The following PRH1 variants were observed in gnomAD, a reference collection of about 807,000 sequenced individuals.
PRH1 encodes the protein salivary acidic proline-rich phosphoprotein 1/2.
A neutral mutation model predicts 7.9 loss-of-function variants in PRH1; 7 were observed. The observed-to-expected ratio is 0.89, with a 90% confidence interval of 0.50 to 1.67. The LOEUF (loss-of-function observed/expected upper bound fraction) is 1.67. Ranked by LOEUF, PRH1 falls within the 40% of genes most tolerant of loss-of-function variation. The pLI is 0.00. For synonymous variants in PRH1, 45 were observed against 80.8 expected (o/e 0.56, Z 2.38); for missense variants, 109 against 223.6 (o/e 0.49, Z 3.27).
intron 1 of PRH1, among the ~76,000 whole-genome samples, chr12:11,062,474 G>T (rs988179053): frequency 1.3e-5 from 2 of 152,024 alleles, no homozygotes; most frequent in Non-Finnish European, 2.9e-5. Flanking sequence ...ATGCTAATGG[G>T]TAAGTTCAAC....
intron 1 of PRH1, among the ~76,000 whole-genome samples, chr12:11,071,550 G>T (rs1451218597): frequency 6.6e-6 from 1 of 152,180 alleles, no homozygotes; most frequent in South Asian, 2.1e-4. Context: ...TAGTCCTAAA[G>T]CTAACCTTTC....
At chr12:11,168,562 C>T (rs1156550557) in intron 1 of PRH1, among the ~76,000 whole-genome samples, 2 of 152,050 alleles carry the variant, frequency 1.3e-5, no homozygotes, top group South Asian at 4.1e-4. Context: ...GGTTTCCCAT[C>T]ATATCAAGAA....
At chr12:11,136,120 T>C (rs1001066686) in intron 1 of PRH1, among the ~76,000 whole-genome samples, 5 of 152,198 alleles carry the variant, frequency 3.3e-5, no homozygotes, top group African/African-American at 1.2e-4. Context: ...ATAAGCAATA[T>C]CCATAATTTA....
At chr12:11,046,176 T>C (rs1460105281) in intron 1 of PRH1, among the ~76,000 whole-genome samples, 1 of 152,164 alleles carries the variant, frequency 6.6e-6, no homozygotes, top group Non-Finnish European at 1.5e-5. Flanking sequence ...GAAACCAGAA[T>C]GGACAAGGAA....
intron 1 of PRH1, among the ~76,000 whole-genome samples, chr12:11,037,206 A>G (rs1327991129): frequency 6.6e-6 from 1 of 152,206 alleles, no homozygotes; most frequent in Non-Finnish European, 1.5e-5. Context: ...TATCAACTTT[A>G]GTTTATCTTT....
chr12:11,046,526 G>A (rs78037682), intron 1 of PRH1, among the ~76,000 whole-genome samples: 1 of 152,112 alleles, frequency 6.6e-6, no homozygotes, highest in African/African-American at 2.4e-5. Context: ...TTCTTCTGAC[G>A]TTTTAGTCCT....
At chr12:11,128,348 A>G (rs1052201519) in intron 1 of PRH1, among the ~76,000 whole-genome samples, 1 of 138,010 alleles carries the variant, frequency 7.2e-6, no homozygotes, top group Non-Finnish European at 1.6e-5. Context: ...ACTGTTTCTA[A>G]GAGGGGATCT....
In PRH1 at chr12:11,132,801, A is replaced by G. The variant is rs376619638; in HGVS notation, n.40-11621T>C. On this transcript the variant is annotated intron_variant and non_coding_transcript_variant, in intron 1 of 1. Coordinates refer to the PRH1 transcript ENST00000541175. ...TTCATAATGGAATAAAACCCTGAAG[A>G]TACATCCTCATTAGTGATTAAGAAT... Among the ~76,000 whole-genome samples, 32 of 152,340 alleles carry G rather than the reference A, an allele frequency of 2.1e-4. No homozygotes were observed. In the South Asian group the frequency reaches 6.2e-3, roughly 30 times the overall value.
chr12:11,032,931 A>G (rs985831066), intron 1 of PRH1, among the ~76,000 whole-genome samples: 6 of 152,276 alleles, frequency 3.9e-5, no homozygotes, highest in African/African-American at 1.4e-4. Context: ...TCCATTTACC[A>G]TAAGAGTATG....
rs1430575292 is a variant in PRH1 at position 11,075,365 on chromosome 12, T to G, written n.124-28177A>C. 3.4e-5 allele frequency among the ~76,000 whole-genome samples: 4 copies of G among 117,486 alleles called. 1 individual carries two copies. The highest frequency in any genetic ancestry group is 1.1e-4 in the African/African-American group (4 of 34,786). 77.1% of individuals were successfully genotyped at this position (117,486 alleles called of 152,430 possible). On this transcript the variant is annotated intron_variant and non_coding_transcript_variant, in intron 1 of 4. Transcript: ENST00000541977. ...GTACATTTACAAACAGCTTAACCAGTTGCAAAGTTTGCTAGCTTTTTTTTT... is the reference window on the plus strand; with the variant it reads ...GTACATTTACAAACAGCTTAACCAGGTGCAAAGTTTGCTAGCTTTTTTTTT...
intron 1 of PRH1, chr12:11,005,991 T>C (rs1940812129): frequency 6.6e-6 from 1 of 152,144 alleles, no homozygotes; most frequent in Non-Finnish European, 1.5e-5. Context: ...TTGATTATGC[T>C]ATTAAGAAGA....
At chr12:10,894,102 G>A (rs1223817980) in intron 2 of PRH1, among the ~76,000 whole-genome samples, 2 of 151,694 alleles carry the variant, frequency 1.3e-5, no homozygotes, top group African/African-American at 4.8e-5. Context: ...CTATCGTCTT[G>A]GTCTTCTATA....
At chr12:11,146,474 T>A (rs149430517) in intron 1 of PRH1, among the ~76,000 whole-genome samples, 83 of 152,276 alleles carry the variant, frequency 5.5e-4, no homozygotes, top group African/African-American at 1.9e-3. Flanking sequence ...TTCATCCATA[T>A]ATTCCTAGTT....
At chr12:11,100,758 A>T (rs1445907734) in intron 1 of PRH1, among the ~76,000 whole-genome samples, 1 of 152,196 alleles carries the variant, frequency 6.6e-6, no homozygotes, top group Non-Finnish European at 1.5e-5. Context: ...AAGTAGCATT[A>T]TATGTGCACA....
intron 1 of PRH1, chr12:11,061,403 T>A: frequency 6.2e-7 from 1 of 1,613,922 alleles, no homozygotes; most frequent in South Asian, 1.1e-5. Context: ...ACCCAGTACC[T>A]CACATGCCAC....
At chr12:10,930,462 T>G (rs763329235) in intron 2 of PRH1, among the ~76,000 whole-genome samples, 1 of 152,108 alleles carries the variant, frequency 6.6e-6, no homozygotes, top group Non-Finnish European at 1.5e-5. Context: ...CTGGGGACCA[T>G]GAGTAAAGAA....
chr12:11,159,957 A>G (rs996564119), intron 1 of PRH1, among the ~76,000 whole-genome samples: 3 of 152,228 alleles, frequency 2.0e-5, no homozygotes, highest in Non-Finnish European at 1.5e-5. Flanking sequence ...CAGCTACTAT[A>G]TAATTTCTAG....
intron 2 of PRH1, among the ~76,000 whole-genome samples, chr12:10,934,131 T>G (rs188814899): frequency 1.1e-3 from 167 of 152,308 alleles, no homozygotes; most frequent in African/African-American, 3.8e-3. Flanking sequence ...GTCTTCGAAT[T>G]TTTAATGCCA....
At chr12:11,171,171 G>C (rs576035413) in intron 1 of PRH1, 6 of 396,888 alleles carry the variant, frequency 1.5e-5, no homozygotes, top group Non-Finnish European at 2.7e-5. Flanking sequence ...GACAGGAAGG[G>C]GCGGAGCGCC....
Sources: allele counts gnomAD v4.1 joint callset (sites outside exome capture counted in the v4.1 genomes callset), GRCh38; gene constraint gnomAD v4.1.1; transcripts MANE v1.5; gene names NCBI Gene and HGNC (gene_info 2026-07-23, HGNC 2026-07-21).